Variants in GALNTL5 observed in about 807,000 individuals in gnomAD.
The protein encoded by GALNTL5 is polypeptide N-acetylgalactosaminyltransferase like 5.
GALNTL5 carries 44 observed loss-of-function variants against 51.0 expected under a neutral mutation model. That is an observed-to-expected ratio of 0.86 (90% CI 0.68 to 1.11). The LOEUF (loss-of-function observed/expected upper bound fraction) is 1.11, where lower values mean the gene tolerates loss of function less well. Ranked by LOEUF, GALNTL5 falls within the 50% of genes least tolerant of loss-of-function variation. The pLI is 0.00. For synonymous variants in GALNTL5, 192 were observed against 182.8 expected (o/e 1.05, Z -0.41); for missense variants, 528 against 531.8 (o/e 0.99, Z 0.07).
chr7:151,956,765 A>G (rs938525385), intron 1 of GALNTL5, among the ~76,000 whole-genome samples, 156 bp downstream of exon 1: 1 of 152,114 alleles, frequency 6.6e-6, no homozygotes, highest in African/African-American at 2.4e-5. Context: ...TTTATTTTTT[A>G]AAGAAGGAGT....
At chr7:151,987,863 C>T (rs951217682) in intron 5 of GALNTL5, among the ~76,000 whole-genome samples, 1 of 152,220 alleles carries the variant, frequency 6.6e-6, no homozygotes, top group Non-Finnish European at 1.5e-5. Context: ...AGCCCCATTG[C>T]AAAGGCTGCC....
chr7:151,989,865 C>T (rs1006038443), intron 5 of GALNTL5, among the ~76,000 whole-genome samples: 4 of 152,036 alleles, frequency 2.6e-5, no homozygotes, highest in African/African-American at 7.2e-5. Flanking sequence ...ATTTTTCTGT[C>T]GATTTATCTG....
At chr7:151,958,159 C>T (rs1350533653) in intron 1 of GALNTL5, among the ~76,000 whole-genome samples, 5 of 152,170 alleles carry the variant, frequency 3.3e-5, no homozygotes, top group Non-Finnish European at 1.5e-5. Context: ...GGACATTTCC[C>T]GGCTGGCAGC....
Position 151,993,835 on chromosome 7 carries a change from G to T in GALNTL5, c.658+6554G>T, listed in dbSNP as rs377450950. ...TGGTCTCACTGTCCTGCCCAGGCTGGTCTCAAACTCCTGGTCTCAAGCAAT... is the reference window on the plus strand; with the variant it reads ...TGGTCTCACTGTCCTGCCCAGGCTGTTCTCAAACTCCTGGTCTCAAGCAAT... On this transcript the variant is annotated intron_variant, in intron 5 of 8. Coordinates refer to ENST00000392800, the MANE Select transcript of GALNTL5 (RefSeq NM_145292.4). 2.7e-4 allele frequency among the ~76,000 whole-genome samples: 41 copies of T among 152,120 alleles called. 1 individual carries two copies. Among genetic ancestry groups the T allele is most frequent in the African/African-American group, 9.9e-4 (41 of 41,488 alleles).
intron 5 of GALNTL5, among the ~76,000 whole-genome samples, chr7:152,001,888 A>G (rs570696671): frequency 6.6e-6 from 1 of 152,276 alleles, no homozygotes; most frequent in Admixed American, 6.5e-5. Context: ...CACTGGCTAC[A>G]AGAAAAAGTC....
chr7:152,009,665 A>G (rs771123500), intron 7 of GALNTL5, among the ~76,000 whole-genome samples: 49 of 152,248 alleles, frequency 3.2e-4, no homozygotes, highest in Admixed American at 1.6e-3. Context: ...CTGGTGTGAA[A>G]AAACCTCTAC....
chr7:152,014,699 T>G lies in GALNTL5; in HGVS notation c.1082T>G (p.Ile361Ser), dbSNP rs1421182563. ...ATCCCCTGCTCTCGAGTAGGACATA[T>G]CAGTAAGAAACAAACTGGAAAACCT... Reference protein sequence around the residue: ...FIIPCSRVGHISKKQTGKPST... With the variant: ...FIIPCSRVGHSSKKQTGKPST... The change falls in exon 8 of 9, where the codon ATC becomes AGC. Residue 361 changes from isoleucine to serine, a missense_variant. Transcript: ENST00000392800. 1 of 1,613,956 alleles carries G rather than the reference T, an allele frequency of 6.2e-7. No individual in the cohort carries two copies. The highest frequency in any genetic ancestry group is 1.1e-5 in the South Asian group (1 of 91,062).
chr7:151,983,167 T>A lies in GALNTL5; in HGVS notation c.535+15T>A. On this transcript the variant is annotated intron_variant, in intron 4 of 8. Coordinates refer to ENST00000392800, the MANE Select transcript of GALNTL5 (RefSeq NM_145292.4). ...GAGCAAAGTTGGTAAGATAGAACAC[T>A]CATTATCTCATCTACTTTGTTGTTG... is the stretch of plus-strand genomic sequence containing the variant. 6.3e-7 allele frequency: 1 copy of A among 1,590,932 alleles called. No individual in the cohort carries two copies. The highest frequency in any genetic ancestry group is 8.6e-7 in the Non-Finnish European group (1 of 1,159,832).
At chr7:151,997,618 T>G (rs150499971) in intron 5 of GALNTL5, among the ~76,000 whole-genome samples, 5 of 152,228 alleles carry the variant, frequency 3.3e-5, no homozygotes, top group Admixed American at 6.5e-5. Flanking sequence ...TAAAGTATAA[T>G]TTTAAATTAT....
chr7:151,965,403 C>T (rs2081046734), intron 1 of GALNTL5, among the ~76,000 whole-genome samples: 1 of 152,176 alleles, frequency 6.6e-6, no homozygotes, highest in Admixed American at 6.5e-5. Flanking sequence ...CACATTCAAT[C>T]TATCATCTTT....
At chr7:151,991,299 G>T (rs758410440) in intron 5 of GALNTL5, among the ~76,000 whole-genome samples, 1 of 152,130 alleles carries the variant, frequency 6.6e-6, no homozygotes, top group East Asian at 1.9e-4. Context: ...CGCCATGTTG[G>T]TCAGGCTGGT....
chr7:151,982,508 C>T (rs140652821), intron 3 of GALNTL5, among the ~76,000 whole-genome samples: 1,688 of 151,830 alleles, frequency 0.011, 44 homozygotes, highest in African/African-American at 0.038. Flanking sequence ...TTTTTTGTTG[C>T]GACAGACTCC....
intron 1 of GALNTL5, among the ~76,000 whole-genome samples, chr7:151,966,495 C>T (rs1272088378): frequency 6.6e-6 from 1 of 152,164 alleles, no homozygotes; most frequent in East Asian, 1.9e-4. Flanking sequence ...TCTCGAACTC[C>T]TGACCTCAGG....
chr7:151,988,691 G>C (rs557520706), intron 5 of GALNTL5, among the ~76,000 whole-genome samples: 227 of 149,054 alleles, frequency 1.5e-3, no homozygotes, highest in Non-Finnish European at 2.7e-3. Context: ...GTATACACAG[G>C]GTTAAGGATT....
At chr7:152,004,613 C>G (rs1469125084) in intron 6 of GALNTL5, among the ~76,000 whole-genome samples, 2 of 152,158 alleles carry the variant, frequency 1.3e-5, no homozygotes, top group Non-Finnish European at 2.9e-5. Flanking sequence ...CCTCCTGTCA[C>G]CACCCTTCTG....
intron 3 of GALNTL5, among the ~76,000 whole-genome samples, chr7:151,973,598 C>G (rs1001590712): frequency 6.6e-6 from 1 of 152,234 alleles, no homozygotes; most frequent in Non-Finnish European, 1.5e-5. Context: ...ATGCCTGTAC[C>G]GCTATTGTAT....
At chr7:152,010,803 A>G (rs1395772366) in intron 7 of GALNTL5, among the ~76,000 whole-genome samples, 2 of 152,140 alleles carry the variant, frequency 1.3e-5, no homozygotes, top group Non-Finnish European at 2.9e-5. Context: ...TAAATGCAAT[A>G]GAAAAATACA....
At chr7:151,971,524 TA>T (rs1302140879) in intron 3 of GALNTL5, among the ~76,000 whole-genome samples, 1 of 152,210 alleles carries the variant, frequency 6.6e-6, no homozygotes, top group Non-Finnish European at 1.5e-5. Flanking sequence ...ACACATAACA[TA>T]AAATTTGCCA....
At chr7:151,961,085 G>A (rs1342509436) in intron 1 of GALNTL5, among the ~76,000 whole-genome samples, 1 of 152,182 alleles carries the variant, frequency 6.6e-6, no homozygotes, top group Non-Finnish European at 1.5e-5. Context: ...CCAGCACTTT[G>A]GGAGGCCAAA....
Sources: allele counts gnomAD v4.1 joint callset (sites outside exome capture counted in the v4.1 genomes callset), GRCh38; gene constraint gnomAD v4.1.1; transcripts MANE v1.5; gene names NCBI Gene and HGNC (gene_info 2026-07-23, HGNC 2026-07-21).